CIROP: variants seen among roughly 807,000 people sequenced by gnomAD.
The protein encoded by CIROP is leishmanolysin homolog.
the CIROP span, chr14:23,103,953 C>T: frequency 3.4e-6 from 2 of 591,252 alleles, no homozygotes; most frequent in Non-Finnish European, 6.0e-6. Flanking sequence ...GAGTTCTGCC[C>T]CTTCACCCCC....
the CIROP span, chr14:23,104,896 GCA>G: frequency 1.6e-6 from 1 of 608,174 alleles, no homozygotes; most frequent in Non-Finnish European, 2.9e-6. Flanking sequence ...GGCAGCAGCA[GCA>G]GCAGCAGCAG....
the CIROP span, chr14:23,101,930 G>A: frequency 1.4e-6 from 1 of 701,582 alleles, no homozygotes; most frequent in Non-Finnish European, 2.6e-6. Context: ...CAGATGAGAA[G>A]GAAAGAGAGC....
chr14:23,102,555 G>A, the CIROP span: 7 of 700,510 alleles, frequency 1.0e-5, no homozygotes, highest in Non-Finnish European at 1.8e-5. Flanking sequence ...AAAATTAGAA[G>A]GAAGGACGTT....
the CIROP span, chr14:23,103,626 T>C: frequency 1.5e-6 from 1 of 686,814 alleles, no homozygotes; most frequent in African/African-American, 1.8e-5. Context: ...CTCATGAGAT[T>C]TAAGATTGAG....
At chr14:23,102,774 C>CT in the CIROP span, 1 of 700,370 alleles carries the variant, frequency 1.4e-6, no homozygotes, top group Middle Eastern at 2.5e-4. Flanking sequence ...ACCAAACACT[C>CT]TATAACCCCT....
the CIROP span, chr14:23,102,295 T>C: frequency 1.4e-6 from 1 of 702,630 alleles, no homozygotes; most frequent in South Asian, 1.5e-5. Flanking sequence ...GGCTGGTTGT[T>C]AGCTGGCTAC....
chr14:23,104,807 A>C, the CIROP span: 5 of 702,554 alleles, frequency 7.1e-6, no homozygotes, highest in African/African-American at 7.0e-5. Flanking sequence ...GTTGGGAGAA[A>C]GGGGGCCTGA....
At chr14:23,101,621 G>A in the CIROP span, 3 of 702,774 alleles carry the variant, frequency 4.3e-6, no homozygotes, top group Non-Finnish European at 7.8e-6. Flanking sequence ...GAAGTTGACT[G>A]CCTTCCAGAC....
the CIROP span, chr14:23,101,139 A>G: frequency 2.5e-6 from 1 of 401,852 alleles, no homozygotes; most frequent in South Asian, 1.3e-4. Flanking sequence ...CTTCCTTCTA[A>G]GGAAAATGTA....
chr14:23,100,273 G>T, the CIROP span: 753 of 376,122 alleles, frequency 2.0e-3, 7 homozygotes, highest in Admixed American at 6.7e-3. Context: ...AGAAGAAAAA[G>T]GTGGGGGGAG....
chr14:23,099,311 C>T, the CIROP span: 3 of 413,360 alleles, frequency 7.3e-6, no homozygotes. Context: ...CTAACTGGGA[C>T]CCTTGTGCTG....
the CIROP span, chr14:23,102,916 C>A: frequency 1.7e-6 from 1 of 603,926 alleles, no homozygotes; most frequent in Non-Finnish European, 3.0e-6. Flanking sequence ...ATTCATCATG[C>A]AGCAGTCACC....
chr14:23,104,297 A>T, the CIROP span: 1 of 692,926 alleles, frequency 1.4e-6, no homozygotes, highest in South Asian at 1.5e-5. Flanking sequence ...GGCTGCACCT[A>T]TAAGAATGAA....
the CIROP span, chr14:23,099,568 T>G: frequency 2.5e-6 from 1 of 406,596 alleles, no homozygotes; most frequent in Non-Finnish European, 4.5e-6. Flanking sequence ...TTTTTTTTTT[T>G]TTTTTTTTGG....
chr14:23,099,781 C>T, the CIROP span: 735 of 231,056 alleles, frequency 3.2e-3, 3 homozygotes, highest in African/African-American at 0.015. Context: ...CTCATCCAAG[C>T]ATTAAGCTAA....
the CIROP span, chr14:23,103,764 G>T: frequency 8.5e-6 from 6 of 702,916 alleles, no homozygotes; most frequent in Non-Finnish European, 1.6e-5. Flanking sequence ...TGGACCAGTT[G>T]TGGGGGACCC....
chr14:23,100,534 A>G, the CIROP span: 7 of 412,430 alleles, frequency 1.7e-5, no homozygotes, highest in East Asian at 3.6e-5. Context: ...TGGCTCCTCC[A>G]TGATACACTT....
the CIROP span, chr14:23,101,365 G>A: frequency 1.8e-6 from 1 of 551,408 alleles, no homozygotes; most frequent in Non-Finnish European, 3.2e-6. Context: ...TCCCCTCCCT[G>A]TGCATTGATG....
At chr14:23,102,377 C>T in the CIROP span, 8 of 702,638 alleles carry the variant, frequency 1.1e-5, 1 homozygote, top group South Asian at 7.4e-5. Context: ...GGGAAGCCCC[C>T]GACACTCCCA....
Sources: gnomAD v4.1 joint callset for allele counts on GRCh38, gnomAD v4.1.1 for gene constraint, MANE v1.5 for transcripts, NCBI Gene and HGNC (gene_info 2026-07-23, HGNC 2026-07-21) for gene names.